The following AUTS2 variants were observed in gnomAD, a reference collection of about 807,000 sequenced individuals.
AUTS2 encodes the protein autism susceptibility gene 2 protein.
Under a neutral mutation model 112.4 loss-of-function variants are expected in AUTS2, and 17 were observed. The observed-to-expected ratio is 0.15, with a 90% confidence interval of 0.10 to 0.23. AUTS2 has a LOEUF of 0.23. Ranked by LOEUF, AUTS2 falls within the 10% of genes least tolerant of loss-of-function variation. The pLI is 1.00. For synonymous variants in AUTS2, 751 were observed against 702.7 expected, an observed-to-expected ratio of 1.07 and a Z score of -1.09; for missense variants, 1,510 against 1,701.6, an observed-to-expected ratio of 0.89 and a Z score of 1.98.
intron 2 of AUTS2, among the ~76,000 whole-genome samples, chr7:70,088,363 G>A (rs985988527): frequency 8.6e-5 from 13 of 151,834 alleles, no homozygotes; most frequent in African/African-American, 2.7e-4. Flanking sequence ...TCCTGACCTC[G>A]TGATCTTCCC....
At position 70,123,709 on chromosome 7, in the gene AUTS2, C is replaced by T. The variant is rs191658556; in HGVS notation, c.624+5476C>T. On this transcript the variant is annotated intron_variant, in intron 3 of 18. Coordinates refer to ENST00000342771, the MANE Select transcript of AUTS2 (RefSeq NM_015570.4). The stretch of plus-strand genomic sequence containing the variant: ...TGATTTTTATGGCAATGTAGTATTT[C>T]GTGGTTTACATATACCAAATTTTCT... 4.6e-5 allele frequency among the ~76,000 whole-genome samples: 7 copies of T among 152,260 alleles called. No homozygotes were observed. In the East Asian group the frequency reaches 7.7e-4, roughly 17 times the overall value.
At chr7:69,744,747 T>C (rs1228959944) in intron 1 of AUTS2, among the ~76,000 whole-genome samples, 6 of 152,050 alleles carry the variant, frequency 3.9e-5, no homozygotes, top group African/African-American at 1.4e-4. Flanking sequence ...TGAGGATCAC[T>C]TGAGCCCAGG....
intron 1 of AUTS2, among the ~76,000 whole-genome samples, chr7:69,743,603 G>A (rs1787360382): frequency 6.6e-6 from 1 of 151,996 alleles, no homozygotes; most frequent in African/African-American, 2.4e-5. Context: ...TTCTGTCACC[G>A]TAAAAATTCC....
intron 3 of AUTS2, 30 bp downstream of exon 3, chr7:70,118,263 AAAAAT>A: frequency 3.2e-6 from 5 of 1,544,566 alleles, no homozygotes; most frequent in Non-Finnish European, 4.3e-6. Context: ...AAAAAAAAAA[AAAAAT>A]TAACGAAAAC....
intron 6 of AUTS2, among the ~76,000 whole-genome samples, chr7:70,740,012 T>G (rs1788013039): frequency 6.6e-6 from 1 of 152,086 alleles, no homozygotes; most frequent in Non-Finnish European, 1.5e-5. Flanking sequence ...AGTTTGTTCA[T>G]CATCCTTTGA....
At chr7:69,878,178 G>A (rs1308983713) in intron 1 of AUTS2, among the ~76,000 whole-genome samples, 1 of 152,138 alleles carries the variant, frequency 6.6e-6, no homozygotes, top group Non-Finnish European at 1.5e-5. Context: ...TAGTGAATAT[G>A]TGGACATTTC....
chr7:70,449,592 C>T (rs1015228456), intron 5 of AUTS2, among the ~76,000 whole-genome samples: 2 of 152,166 alleles, frequency 1.3e-5, no homozygotes, highest in Admixed American at 6.5e-5. Context: ...GGATGAGGCA[C>T]TACTTACAGG....
chr7:70,231,697 C>A (rs1253952767), intron 4 of AUTS2, among the ~76,000 whole-genome samples: 1 of 151,896 alleles, frequency 6.6e-6, no homozygotes, highest in Non-Finnish European at 1.5e-5. Flanking sequence ...CCCGCCTCAG[C>A]GTCCAAAGTG....
intron 1 of AUTS2, among the ~76,000 whole-genome samples, chr7:69,709,695 C>T (rs979386718): frequency 6.6e-6 from 1 of 152,164 alleles, no homozygotes; most frequent in Non-Finnish European, 1.5e-5. Flanking sequence ...AGAGATTTTC[C>T]TTCTCCTGAG....
intron 1 of AUTS2, among the ~76,000 whole-genome samples, chr7:69,708,985 C>T (rs773228069): frequency 1.3e-5 from 2 of 152,116 alleles, no homozygotes; most frequent in African/African-American, 4.8e-5. Flanking sequence ...CTCAGACATC[C>T]CTGATGACTC....
At chr7:70,681,523 A>AT (rs1485087422) in intron 5 of AUTS2, among the ~76,000 whole-genome samples, 17 of 128,008 alleles carry the variant, frequency 1.3e-4, no homozygotes, top group African/African-American at 4.3e-4. Flanking sequence ...ATATATATAT[A>AT]TATTTTTTTT....
At chr7:70,349,711 A>G (rs769228423) in intron 4 of AUTS2, among the ~76,000 whole-genome samples, 9 of 151,686 alleles carry the variant, frequency 5.9e-5, no homozygotes, top group Non-Finnish European at 1.3e-4. Flanking sequence ...CATAATAGAT[A>G]CTTTGAGATG....
intron 4 of AUTS2, among the ~76,000 whole-genome samples, chr7:70,187,026 T>C (rs1231253271): frequency 6.6e-6 from 1 of 152,254 alleles, no homozygotes; most frequent in Non-Finnish European, 1.5e-5. Flanking sequence ...GGATTCAAAC[T>C]GAGGTATTCT....
chr7:70,580,153 C>T (rs1424488454), intron 5 of AUTS2, among the ~76,000 whole-genome samples: 1 of 152,124 alleles, frequency 6.6e-6, no homozygotes, highest in Non-Finnish European at 1.5e-5. Flanking sequence ...CATTCAGTAG[C>T]CCAGTGCCAA....
chr7:70,464,211 C>T (rs146372747), intron 5 of AUTS2, among the ~76,000 whole-genome samples: 15 of 152,316 alleles, frequency 9.8e-5, no homozygotes, highest in African/African-American at 3.4e-4. Context: ...TTCTGGAACT[C>T]TTTCCATCCC....
intron 5 of AUTS2, among the ~76,000 whole-genome samples, chr7:70,533,923 C>T (rs1585266011): frequency 6.6e-6 from 1 of 152,174 alleles, no homozygotes; most frequent in African/African-American, 2.4e-5. Context: ...GAAGTACAGT[C>T]AGGGAACCCT....
At chr7:70,571,680 C>G (rs1304836598) in intron 5 of AUTS2, among the ~76,000 whole-genome samples, 1 of 152,240 alleles carries the variant, frequency 6.6e-6, no homozygotes, top group African/African-American at 2.4e-5. Context: ...CAAACTGGAG[C>G]TGGGAAACTT....
chr7:70,340,332 C>T (rs952701095), intron 4 of AUTS2, among the ~76,000 whole-genome samples: 19 of 152,070 alleles, frequency 1.2e-4, no homozygotes, highest in Non-Finnish European at 5.9e-5. Context: ...GCTGTAATAT[C>T]TAGAATTTTC....
chr7:70,122,337 G>A (rs1805725465), intron 3 of AUTS2, among the ~76,000 whole-genome samples: 1 of 152,156 alleles, frequency 6.6e-6, no homozygotes, highest in Admixed American at 6.5e-5. Context: ...AAAATGATCT[G>A]TTAAAAAATG....
Sources: allele counts gnomAD v4.1 joint callset (sites outside exome capture counted in the v4.1 genomes callset), GRCh38; gene constraint gnomAD v4.1.1; transcripts MANE v1.5; gene names NCBI Gene and HGNC (gene_info 2026-07-23, HGNC 2026-07-21).